Variants in PSMA5 observed in about 807,000 individuals in gnomAD.
PSMA5 encodes the protein proteasome 20S subunit alpha 5.
In PSMA5, 3 loss-of-function variants were observed where a neutral mutation model predicts 34.5. The ratio of observed to expected loss-of-function variants is 0.09; its 90% CI spans 0.04 to 0.22. The LOEUF is 0.22. Ranked by LOEUF, PSMA5 falls within the 10% of genes least tolerant of loss-of-function variation. The pLI is 1.00. For synonymous variants in PSMA5, 88 were observed against 95.8 expected (o/e 0.92, Z 0.47); for missense variants, 120 against 286.1 (o/e 0.42, Z 4.19).
In PSMA5 at chr1:109,400,640, T is replaced by C. The variant is rs931263419; in HGVS notation, c.*1373A>G. ...TCTCTGCTTTCCTTATGTGTTATTC[T>C]AGGGCAAAATCCCTTTCTTCCAAAT... is the stretch of plus-strand genomic sequence containing the variant. On this transcript the variant is annotated 3_prime_UTR_variant, in exon 9 of 9. Coordinates refer to ENST00000271308, the MANE Select transcript of PSMA5 (RefSeq NM_002790.4). 3.3e-5 allele frequency: 5 copies of C among 152,254 alleles called. No individual in the cohort carries two copies. Among genetic ancestry groups the C allele is most frequent in the African/African-American group, 1.2e-4 (5 of 41,470 alleles). 9.4% of individuals were successfully genotyped at this position (152,254 alleles called of 1,614,324 possible).
At chr1:109,425,304 T>A (rs1343709151) in intron 1 of PSMA5, 2 of 152,236 alleles carry the variant, frequency 1.3e-5, no homozygotes, top group Non-Finnish European at 2.9e-5. Flanking sequence ...CTGATAAGCA[T>A]AACAATTTCT....
At chr1:109,418,932 A>C (rs1453431821) in intron 2 of PSMA5, among the ~76,000 whole-genome samples, 1 of 152,216 alleles carries the variant, frequency 6.6e-6, no homozygotes, top group Non-Finnish European at 1.5e-5. Flanking sequence ...AGGCGGGCAG[A>C]TCACCTGAGG....
chr1:109,415,981 A>G (rs1012902166), intron 2 of PSMA5, among the ~76,000 whole-genome samples: 3 of 152,114 alleles, frequency 2.0e-5, no homozygotes, highest in Admixed American at 1.3e-4. Flanking sequence ...TCCACAATAT[A>G]CCTGGAATTC....
At position 109,411,039 on chromosome 1, in the gene PSMA5, T is replaced by C; in HGVS notation, c.533A>G (p.Gln178Arg). The stretch of plus-strand genomic sequence containing the variant: ...GTGGTAAACTTCTTGCAAGGAGCTC[T>C]GGGCACCCTCTGAAGCAGAGCCAAT... ...RAIGSASEGA[Q>R]SSLQEVYHKS... The change falls in exon 7 of 9, where the codon CAG becomes CGG. Residue 178 changes from glutamine (Q) to arginine (R), a missense_variant. Gln to Arg is a conservative substitution (Grantham distance 43). This residue lies in a region of PSMA5 where 83 missense variants were observed against 203.2 expected (regional missense o/e 0.41). Transcript: ENST00000271308. 1 of 1,613,680 alleles carries C rather than the reference T, an allele frequency of 6.2e-7. No homozygotes were observed. Among genetic ancestry groups the C allele is most frequent in the Non-Finnish European group, 8.5e-7 (1 of 1,179,768 alleles).
In PSMA5 at chr1:109,426,370, G is replaced by C; in HGVS notation, c.-40C>G. The C allele has an allele frequency of 6.2e-7, 1 of 1,612,708 alleles. No homozygotes were observed. Among genetic ancestry groups the C allele is most frequent in the Non-Finnish European group, 8.5e-7 (1 of 1,178,798 alleles). ...GAGGCAGCGGCTACGCGGGGATTCT[G>C]AGGACCAACACGACTCCACCGGCAC... is the stretch of plus-strand genomic sequence containing the variant. On this transcript the variant is annotated 5_prime_UTR_variant, in exon 1 of 9. Transcript: ENST00000271308.
intron 8 of PSMA5, among the ~76,000 whole-genome samples, chr1:109,408,397 T>A (rs1304602941): frequency 6.6e-6 from 1 of 152,196 alleles, no homozygotes; most frequent in Non-Finnish European, 1.5e-5. Flanking sequence ...TCCCTAATGC[T>A]TTAGTCTAAG....
rs1422466029 is a variant in PSMA5, at chr1:109,426,410, GC to G, written c.-81del. The G allele has an allele frequency of 6.4e-7, 1 of 1,564,900 alleles. No homozygotes were observed. The highest frequency in any genetic ancestry group is 8.8e-7 in the Non-Finnish European group (1 of 1,135,602). On this transcript the variant is annotated 5_prime_UTR_variant, in exon 1 of 9. Coordinates refer to ENST00000271308, the MANE Select transcript of PSMA5 (RefSeq NM_002790.4). ...TCCACCGGCACCCAACTCACCGGCA[GC>G]CAACTCACCCACACGGCCGCAGTAC...
At chr1:109,417,527 G>A (rs1180366270) in intron 2 of PSMA5, among the ~76,000 whole-genome samples, 2 of 152,174 alleles carry the variant, frequency 1.3e-5, no homozygotes, top group African/African-American at 2.4e-5. Context: ...CCCCACTCCC[G>A]TGGAAGACTC....
chr1:109,407,798 C>T (rs560336542), intron 8 of PSMA5, among the ~76,000 whole-genome samples: 1 of 152,122 alleles, frequency 6.6e-6, no homozygotes, highest in South Asian at 2.1e-4. Context: ...CGCACCACCA[C>T]ACCCAGCTAA....
intron 1 of PSMA5, among the ~76,000 whole-genome samples, chr1:109,424,619 C>T (rs1464345290): frequency 6.7e-6 from 1 of 149,612 alleles, no homozygotes; most frequent in African/African-American, 2.5e-5. Context: ...CTACTAAAAA[C>T]ACAAAAATTA....
intron 2 of PSMA5, among the ~76,000 whole-genome samples, chr1:109,418,017 A>G (rs903525907): frequency 6.6e-6 from 1 of 152,086 alleles, no homozygotes; most frequent in Non-Finnish European, 1.5e-5. Flanking sequence ...TGAGCCCAGG[A>G]GTTTGAGACC....
intron 3 of PSMA5, 106 bp from the exon 4 acceptor site, chr1:109,413,241 G>T: frequency 1.0e-6 from 1 of 994,358 alleles, no homozygotes; most frequent in Non-Finnish European, 1.6e-6. Flanking sequence ...CAGCCATTCA[G>T]CTATCCCATG....
At chr1:109,423,125 C>T (rs921020970) in intron 1 of PSMA5, among the ~76,000 whole-genome samples, 15 of 152,220 alleles carry the variant, frequency 9.9e-5, no homozygotes, top group African/African-American at 3.6e-4. Context: ...CCAGACTTTA[C>T]AACAGGTAAC....
intron 8 of PSMA5, among the ~76,000 whole-genome samples, chr1:109,404,818 G>A (rs1653678640): frequency 6.6e-6 from 1 of 152,180 alleles, no homozygotes; most frequent in South Asian, 2.1e-4. Context: ...ATCCAAAGAT[G>A]AAGAAAGTCT....
intron 1 of PSMA5, 73 bp downstream of exon 1, chr1:109,426,229 A>ACCCAGGCCGCGCGGCCAGGT: frequency 6.3e-7 from 1 of 1,587,934 alleles, no homozygotes; most frequent in Non-Finnish European, 8.6e-7. Flanking sequence ...ACACGGCAGA[A>ACCCAGGCCGCGCGGCCAGGT]CCCAGGCCGC....
At chr1:109,406,591 G>A (rs948328125) in intron 8 of PSMA5, among the ~76,000 whole-genome samples, 3 of 152,158 alleles carry the variant, frequency 2.0e-5, no homozygotes, top group Non-Finnish European at 4.4e-5. Flanking sequence ...CCAGCTACTC[G>A]AGAGGCTGGG....
intron 1 of PSMA5, 109 bp from the exon 2 acceptor site, chr1:109,422,035 G>T: frequency 3.2e-6 from 2 of 616,522 alleles, no homozygotes; most frequent in South Asian, 3.1e-5. Context: ...TACGCACATT[G>T]TCATTATTCT....
Position 109,409,953 on chromosome 1 carries a change from T to C in PSMA5, c.623A>G (p.Glu208Gly). Residue 208 changes from glutamate (E) to glycine (G), a missense_variant, in exon 8 of 9, where the codon GAG becomes GGG. Transcript: ENST00000271308. ...CTCAATGTTTGTTGCATTCAGCTTC[T>C]CCTCCATTACTTGTTTGAGGATGAT... ...SLIILKQVMEEKLNATNIELA... is the reference protein window; with the variant it reads ...SLIILKQVMEGKLNATNIELA... 6.2e-7 allele frequency: 1 copy of C among 1,607,736 alleles called. No homozygotes were observed. The highest frequency in any genetic ancestry group is 8.5e-7 in the Non-Finnish European group (1 of 1,176,054).
intron 1 of PSMA5, among the ~76,000 whole-genome samples, chr1:109,424,996 A>G (rs1363315330): frequency 7.2e-6 from 1 of 139,780 alleles, no homozygotes; most frequent in Non-Finnish European, 1.5e-5. Flanking sequence ...AAAAACAAAC[A>G]AAACCCAGGA....
Sources: gnomAD v4.1 joint callset for allele counts (sites outside exome capture counted in the v4.1 genomes callset) on GRCh38, gnomAD v4.1.1 for gene constraint, gnomAD v4.1.1 regional missense constraint, MANE v1.5 for transcripts, NCBI Gene and HGNC (gene_info 2026-07-23, HGNC 2026-07-21) for gene names.